The following ASIC4 variants were observed in gnomAD, a reference collection of about 807,000 sequenced individuals.
The protein encoded by ASIC4 is acid-sensing ion channel 4.
Under a neutral mutation model 53.4 loss-of-function variants are expected in ASIC4, and 28 were observed. The ratio of observed to expected loss-of-function variants is 0.52; its 90% CI spans 0.39 to 0.72. ASIC4 has a LOEUF of 0.72. Ranked by LOEUF, ASIC4 falls within the 30% of genes least tolerant of loss-of-function variation. The probability of loss-of-function intolerance (pLI) is 0.00; values close to 1 mark genes in which losing one functional copy is unlikely to be tolerated. For synonymous variants in ASIC4, 289 were observed against 301.4 expected, an observed-to-expected ratio of 0.96 and a Z score of 0.43; for missense variants, 649 against 729.7, an observed-to-expected ratio of 0.89 and a Z score of 1.27.
Position 219,514,520 on chromosome 2 carries a change from G to A in ASIC4, c.-205G>A, listed in dbSNP as rs754664240. On this transcript the variant is annotated 5_prime_UTR_variant, in exon 1 of 10. Transcript: ENST00000358078. Reference sequence around the variant, plus strand: ...AGCGGCAGCAGAGGCAGCAGCGGCAGAGGCAGCACCAGGGCTGCGGAGCTG... The same window carrying A: ...AGCGGCAGCAGAGGCAGCAGCGGCAAAGGCAGCACCAGGGCTGCGGAGCTG... 6.4e-7 allele frequency: 1 copy of A among 1,551,692 alleles called. No individual in the cohort carries two copies. The highest frequency in any genetic ancestry group is 8.7e-7 in the Non-Finnish European group (1 of 1,147,588).
chr2:219,522,296 G>A (rs2125659845), intron 1 of ASIC4, among the ~76,000 whole-genome samples: 1 of 152,054 alleles, frequency 6.6e-6, no homozygotes, highest in Non-Finnish European at 1.5e-5. Context: ...TGGCTCAGCG[G>A]TGACTAAGCG....
intron 1 of ASIC4, among the ~76,000 whole-genome samples, chr2:219,524,583 G>A (rs1422676841): frequency 6.6e-6 from 1 of 152,242 alleles, no homozygotes; most frequent in Non-Finnish European, 1.5e-5. Context: ...CGTACATTCT[G>A]TCTTTCCTCA....
chr2:219,509,509 C>T (rs371435605), upstream of ASIC4, among the ~76,000 whole-genome samples: 152 of 152,276 alleles, frequency 1.0e-3, no homozygotes, highest in Middle Eastern at 3.4e-3. The surrounding 1 kb of genome is among the most constrained non-coding windows in gnomAD (Gnocchi z 5.2). Context: ...GCCTGCCACC[C>T]CCGCTCCCCT....
Position 219,537,341 on chromosome 2 carries a change from C to T in ASIC4, c.1401+20C>T. The T allele has an allele frequency of 6.2e-7, 1 of 1,607,718 alleles. No individual in the cohort carries two copies. Among genetic ancestry groups the T allele is most frequent in the Middle Eastern group, 1.7e-4 (1 of 6,046 alleles). On this transcript the variant is annotated intron_variant, in intron 8 of 9. Coordinates refer to ENST00000358078, the MANE Select transcript of ASIC4 (RefSeq NM_018674.6). This position sits in a 1 kb window ranked among gnomAD's most constrained non-coding sequence, Gnocchi z 4.9. ...TATGAGGCAAGGGCCCTGGAGAAGG[C>T]AGGGTGGGAGTGGGGGCCGTGGGCA...
At position 219,537,162 on chromosome 2, in the gene ASIC4, G is replaced by T; in HGVS notation, c.1321+5G>T. On this transcript the variant is annotated splice_donor_5th_base_variant and intron_variant, in intron 7 of 9. Coordinates refer to ENST00000358078, the MANE Select transcript of ASIC4 (RefSeq NM_018674.6). The surrounding 1 kb of genome is among the most constrained non-coding windows in gnomAD (Gnocchi z 4.9). ...ATGGCCTGTCAGCCCTGCTGGGTGA[G>T]ACTGGTGTCCCTGCCCCCAGCTTGT... 1 of 1,613,760 alleles carries T rather than the reference G, an allele frequency of 6.2e-7. No homozygotes were observed. The highest frequency in any genetic ancestry group is 8.5e-7 in the Non-Finnish European group (1 of 1,179,710).
upstream of ASIC4, chr2:219,514,450 G>T (rs1476520894): frequency 6.5e-7 from 1 of 1,550,134 alleles, no homozygotes; most frequent in Admixed American, 2.0e-5. Context: ...AGCTGTGCTG[G>T]TGCTGATAAG....
chr2:219,532,513 C>G, intron 4 of ASIC4, 36 bp downstream of exon 4: 1 of 1,593,710 alleles, frequency 6.3e-7, no homozygotes, highest in Non-Finnish European at 8.6e-7. Context: ...CTCCATGCCA[C>G]CCTGCTAGGC....
chr2:219,535,375 T>C, intron 6 of ASIC4, 51 bp downstream of exon 6: 2 of 1,493,146 alleles, frequency 1.3e-6, no homozygotes, highest in Admixed American at 2.1e-5. Flanking sequence ...TGTGTACGTG[T>C]GTGTGGGGGG....
At chr2:219,530,717 G>T (rs1242893973) in intron 1 of ASIC4, among the ~76,000 whole-genome samples, 1 of 152,178 alleles carries the variant, frequency 6.6e-6, no homozygotes, top group Non-Finnish European at 1.5e-5. Flanking sequence ...CAGGAGAGGG[G>T]ACAACAACAA....
chr2:219,524,000 A>T (rs1694928364), intron 1 of ASIC4, among the ~76,000 whole-genome samples: 1 of 151,912 alleles, frequency 6.6e-6, no homozygotes, highest in African/African-American at 2.4e-5. Flanking sequence ...ATTTATTATT[A>T]TTTGTAGAGA....
In ASIC4 at chr2:219,537,815, C is replaced by T. The variant is rs1421597480; in HGVS notation, c.1506+79C>T. 4.6e-6 allele frequency: 7 copies of T among 1,521,230 alleles called. No individual in the cohort carries two copies. Among genetic ancestry groups the T allele is most frequent in the Non-Finnish European group, 6.3e-6 (7 of 1,115,032 alleles). 94.2% of individuals were successfully genotyped at this position (1,521,230 alleles called of 1,614,324 possible). ...AATACATCCATTGTTTCTGAACCAGCCTGTGGAGGGGGCCCTGGAGCCTCT... is the reference window on the plus strand; with the variant it reads ...AATACATCCATTGTTTCTGAACCAGTCTGTGGAGGGGGCCCTGGAGCCTCT... On this transcript the variant is annotated intron_variant, in intron 9 of 9. Coordinates refer to ENST00000358078, the MANE Select transcript of ASIC4 (RefSeq NM_018674.6). The surrounding 1 kb of genome is among the most constrained non-coding windows in gnomAD (Gnocchi z 4.9).
chr2:219,526,032 C>G (rs552901447), intron 1 of ASIC4, among the ~76,000 whole-genome samples: 27 of 152,330 alleles, frequency 1.8e-4, no homozygotes, highest in African/African-American at 6.3e-4. Flanking sequence ...CTTCTTATCT[C>G]CTGGAGGCCC....
rs1483474300 is a variant in ASIC4, at chr2:219,532,295, A to G, written c.856-20A>G. 16 of 1,604,530 alleles carry G rather than the reference A, an allele frequency of 1.0e-5. No individual in the cohort carries two copies. Among genetic ancestry groups the G allele is most frequent in the Non-Finnish European group, 1.4e-5 (16 of 1,172,234 alleles). On this transcript the variant is annotated intron_variant, in intron 3 of 9. Coordinates refer to ENST00000358078, the MANE Select transcript of ASIC4 (RefSeq NM_018674.6). Reference sequence around the variant, plus strand: ...GGGTGGGATTCCTGAGCATGACCTCATCATGCCCCACCTCTGCAGCTGACC... The same window carrying G: ...GGGTGGGATTCCTGAGCATGACCTCGTCATGCCCCACCTCTGCAGCTGACC...
At chr2:219,513,093 C>T (rs1251475405), upstream of ASIC4, among the ~76,000 whole-genome samples, 2 of 152,218 alleles carry the variant, frequency 1.3e-5, no homozygotes, top group Non-Finnish European at 2.9e-5. Flanking sequence ...TAATCCCCAG[C>T]AGCTGCCGTT....
At chr2:219,535,146 T>C (rs748405908) in intron 5 of ASIC4, 25 bp from the exon 6 acceptor site, 1 of 1,601,716 alleles carries the variant, frequency 6.2e-7, no homozygotes, top group Non-Finnish European at 8.5e-7. Flanking sequence ...CAACTCCCAC[T>C]GTAGCTGCTA....
intron 4 of ASIC4, 121 bp from the exon 5 acceptor site, chr2:219,532,762 T>G: frequency 9.7e-7 from 1 of 1,027,524 alleles, no homozygotes; most frequent in Non-Finnish European, 1.5e-6. Context: ...TGTGTGGTGT[T>G]CAAGCACATT....
chr2:219,532,803 C>A, intron 4 of ASIC4, 80 bp from the exon 5 acceptor site: 1 of 1,302,394 alleles, frequency 7.7e-7, no homozygotes, highest in South Asian at 1.3e-5. Flanking sequence ...TGTGTGCATG[C>A]ATGTATGTGC....
Position 219,530,697 on chromosome 2 carries a change from G to A in ASIC4, c.583-1061G>A, listed in dbSNP as rs188497829. On this transcript the variant is annotated intron_variant, in intron 1 of 9. Coordinates refer to ENST00000358078, the MANE Select transcript of ASIC4 (RefSeq NM_018674.6). ...CTAGCCATACCATGAGTGTGTGTGC[G>A]GGGGCATTCCAGGAGAGGGGACAAC... Among the ~76,000 whole-genome samples the A allele has an allele frequency of 2.5e-3, 355 of 142,676 alleles. 1 individual carries two copies. The highest frequency in any genetic ancestry group is 7.1e-3 in the Middle Eastern group (2 of 282). 93.6% of individuals were successfully genotyped at this position (142,676 alleles called of 152,430 possible).
rs148791410 is a variant in ASIC4, at chr2:219,532,063, A to C, written c.790A>C (p.Ile264Leu). The C allele has an allele frequency of 1.9e-6, 3 of 1,614,206 alleles. 1 individual carries two copies. Among genetic ancestry groups the C allele is most frequent in the South Asian group, 2.2e-5 (2 of 91,082 alleles). Reference protein sequence around the residue: ...QIHSQEEPPYIHQLGFGVSPG... With the variant: ...QIHSQEEPPYLHQLGFGVSPG... ...CCACAGCCAGGAGGAGCCGCCCTAC[A>C]TCCACCAGCTGGGGTTCGGGGTGTC... Residue 264 changes from isoleucine (I) to leucine (L), a missense_variant, in exon 3 of 10, where the codon ATC (isoleucine) becomes CTC (leucine). Coordinates refer to ENST00000358078, the MANE Select transcript of ASIC4 (RefSeq NM_018674.6).
Sources: gnomAD v4.1 joint callset for allele counts (sites outside exome capture counted in the v4.1 genomes callset) on GRCh38, gnomAD v4.1.1 for gene constraint, Gnocchi (gnomAD v3.1) non-coding constraint, MANE v1.5 for transcripts, NCBI Gene and HGNC (gene_info 2026-07-23, HGNC 2026-07-21) for gene names.